COL11A1: variants seen among roughly 807,000 people sequenced by gnomAD.
COL11A1 encodes collagen alpha-1(XI) chain.
COL11A1 carries 74 observed loss-of-function variants against 265.2 expected under a neutral mutation model. That is an observed-to-expected ratio of 0.28 (90% confidence interval 0.23 to 0.34). COL11A1 has a LOEUF of 0.34. Among genes scored for constraint, COL11A1 ranks in the 10% least tolerant of loss-of-function variants. The pLI is 1.00. For synonymous variants in COL11A1, 816 were observed against 727.6 expected, an observed-to-expected ratio of 1.12 and a Z score of -1.96; for missense variants, 2,165 against 2,263.6, an observed-to-expected ratio of 0.96 and a Z score of 0.88.
At chr1:102,961,788 TC>T in intron 41 of COL11A1, 77 bp downstream of exon 41, 1 of 1,321,932 alleles carries the variant, frequency 7.6e-7, no homozygotes, top group South Asian at 1.2e-5. Flanking sequence ...CACTGTGGAA[TC>T]ACAGCATGAG....
At chr1:102,983,223 T>C (rs1316968359) in intron 31 of COL11A1, among the ~76,000 whole-genome samples, 1 of 143,380 alleles carries the variant, frequency 7.0e-6, no homozygotes. Flanking sequence ...GAAAACCATA[T>C]TTTTTATGCT....
In COL11A1 at chr1:103,008,496, C is replaced by T; in HGVS notation, c.1650G>A (p.Gly550=). Residue 550 remains glycine (G), a synonymous_variant, in exon 15 of 67, where the codon GGG becomes GGA. Transcript: ENST00000370096. The part of the protein sequence containing the change: ...PGPVGGPGSS[G]AKGESGDPGP... Reference sequence around the variant, plus strand: ...CTGGATCACCACTCTCACCTTTGGCCCCAGATGAACCAGGCCCCCCCTATA... The same window carrying T: ...CTGGATCACCACTCTCACCTTTGGCTCCAGATGAACCAGGCCCCCCCTATA... 1 of 1,613,682 alleles carries T rather than the reference C, an allele frequency of 6.2e-7. No individual in the cohort carries two copies. Among genetic ancestry groups the T allele is most frequent in the East Asian group, 2.2e-5 (1 of 44,834 alleles).
chr1:102,918,059 G>A (rs1481129010), intron 49 of COL11A1, among the ~76,000 whole-genome samples: 2 of 151,332 alleles, frequency 1.3e-5, no homozygotes, highest in South Asian at 2.1e-4. Flanking sequence ...CAAGACTAAT[G>A]TTATATAAAT....
rs754717400 is a variant in COL11A1, at chr1:103,014,236, G to GA, written c.1572+274dup. Among the ~76,000 whole-genome samples, 110 of 149,904 alleles carry GA rather than the reference G, an allele frequency of 7.3e-4. No individual in the cohort carries two copies. In the East Asian group the frequency reaches 9.5e-3, roughly 13 times the overall value. The stretch of plus-strand genomic sequence containing the variant: ...GGTGTAAATATATCAATACTCTTGG[G>GA]AAAAAAAAATAGAAATCTTGCGTGT... On this transcript the variant is annotated intron_variant, in intron 13 of 66. Coordinates refer to ENST00000370096, the MANE Select transcript of COL11A1 (RefSeq NM_001854.4).
At chr1:102,994,753 C>T (rs1203099389) in intron 28 of COL11A1, among the ~76,000 whole-genome samples, 1 of 151,962 alleles carries the variant, frequency 6.6e-6, no homozygotes, top group Non-Finnish European at 1.5e-5. Context: ...AGAATTAATT[C>T]AATACTGATT....
intron 4 of COL11A1, among the ~76,000 whole-genome samples, chr1:103,064,060 T>C (rs778445873): frequency 1.3e-5 from 2 of 152,128 alleles, no homozygotes; most frequent in Non-Finnish European, 2.9e-5. Flanking sequence ...AAAACAGTGA[T>C]GACAAAAACT....
chr1:103,026,182 G>T (rs1367213173), intron 6 of COL11A1, 34 bp downstream of exon 6: 1 of 1,437,190 alleles, frequency 7.0e-7, no homozygotes, highest in East Asian at 2.3e-5. Flanking sequence ...CGAACAGCAG[G>T]ACACCACATA....
chr1:103,107,429 C>G (rs1367362134), intron 1 of COL11A1, among the ~76,000 whole-genome samples: 1 of 151,876 alleles, frequency 6.6e-6, no homozygotes, highest in African/African-American at 2.4e-5. Context: ...AAAGTGTTCT[C>G]CCTATCTTGA....
At chr1:103,019,087 G>A (rs1666787933) in intron 9 of COL11A1, among the ~76,000 whole-genome samples, 1 of 152,122 alleles carries the variant, frequency 6.6e-6, no homozygotes, top group Non-Finnish European at 1.5e-5. Context: ...GAGTGGAAAT[G>A]AATATTTAGA....
intron 42 of COL11A1, among the ~76,000 whole-genome samples, chr1:102,942,438 A>G (rs943460949): frequency 6.6e-6 from 1 of 152,164 alleles, no homozygotes; most frequent in Admixed American, 6.6e-5. Context: ...GCCATTTATA[A>G]TTCCTCAAGA....
At chr1:103,008,419 A>C (rs1189687002) in intron 15 of COL11A1, 44 bp downstream of exon 15, 6 of 1,521,300 alleles carry the variant, frequency 3.9e-6, no homozygotes, top group Non-Finnish European at 5.5e-6. Context: ...ATGCTGTATC[A>C]AAGAAGCCAG....
chr1:103,002,817 G>C (rs1665244841), intron 21 of COL11A1, 26 bp from the exon 22 acceptor site: 1 of 1,608,440 alleles, frequency 6.2e-7, no homozygotes, highest in African/African-American at 1.3e-5. Flanking sequence ...AGTATTTATG[G>C]TTGTTTATAT....
intron 41 of COL11A1, among the ~76,000 whole-genome samples, chr1:102,955,549 T>C (rs1227419113): frequency 2.6e-5 from 4 of 152,206 alleles, no homozygotes; most frequent in Non-Finnish European, 5.9e-5. Context: ...AGAAGGCTTT[T>C]ACAAAACATA....
At chr1:103,062,597 A>G (rs1670757786) in intron 4 of COL11A1, among the ~76,000 whole-genome samples, 1 of 151,976 alleles carries the variant, frequency 6.6e-6, no homozygotes. Flanking sequence ...TAGATGCAGG[A>G]AAGCATTTGA....
chr1:102,925,765 A>G (rs1385521180), intron 46 of COL11A1, among the ~76,000 whole-genome samples: 1 of 152,136 alleles, frequency 6.6e-6, no homozygotes, highest in African/African-American at 2.4e-5. Context: ...ATTCTTAAAC[A>G]TGCATGTATA....
chr1:103,063,920 G>A (rs748942144), intron 4 of COL11A1, among the ~76,000 whole-genome samples: 2 of 152,158 alleles, frequency 1.3e-5, no homozygotes, highest in Non-Finnish European at 2.9e-5. Context: ...CAACAAGGAA[G>A]ATATACAGAT....
intron 1 of COL11A1, among the ~76,000 whole-genome samples, chr1:103,104,921 C>T (rs1371509077): frequency 6.6e-6 from 1 of 152,178 alleles, no homozygotes; most frequent in Non-Finnish European, 1.5e-5. Context: ...ATTTCACCTG[C>T]TGATCCTGGG....
At chr1:103,058,806 G>A (rs944926828) in intron 4 of COL11A1, among the ~76,000 whole-genome samples, 14 of 151,914 alleles carry the variant, frequency 9.2e-5, no homozygotes, top group Non-Finnish European at 1.5e-5. Context: ...TATATAAGAT[G>A]GTATATGCTC....
At chr1:103,094,001 C>A (rs1345781342) in intron 1 of COL11A1, among the ~76,000 whole-genome samples, 1 of 152,042 alleles carries the variant, frequency 6.6e-6, no homozygotes, top group Non-Finnish European at 1.5e-5. Context: ...ACAGAGAAAG[C>A]CTTGAAAGCC....
Sources: gnomAD v4.1 joint callset for allele counts (sites outside exome capture counted in the v4.1 genomes callset) on GRCh38, gnomAD v4.1.1 for gene constraint, MANE v1.5 for transcripts, NCBI Gene and HGNC (gene_info 2026-07-23, HGNC 2026-07-21) for gene names.